TAB2: variants seen among roughly 807,000 people sequenced by gnomAD.
TAB2 encodes the protein TGF-beta-activated kinase 1 and MAP3K7-binding protein 2.
In TAB2, 3 loss-of-function variants were observed where a neutral mutation model predicts 65.0. That is an observed-to-expected ratio of 0.05 (90% confidence interval 0.02 to 0.12). TAB2 has a LOEUF of 0.12. Ranked by LOEUF, TAB2 falls within the 10% of genes least tolerant of loss-of-function variation. The pLI is 1.00. For missense variants in TAB2, 623 were observed against 840.3 expected, an observed-to-expected ratio of 0.74 and a Z score of 3.20; for synonymous variants, 298 against 285.1, an observed-to-expected ratio of 1.05 and a Z score of -0.46.
intron 3 of TAB2, among the ~76,000 whole-genome samples, chr6:149,381,591 T>TTG (rs1554263494): frequency 6.1e-4 from 78 of 127,104 alleles, no homozygotes; most frequent in East Asian, 3.6e-3. Context: ...TTTTTTTTTT[T>TTG]GGGACAGGGT....
At chr6:149,239,679 A>G (rs1237004300) in intron 1 of TAB2, among the ~76,000 whole-genome samples, 1 of 152,148 alleles carries the variant, frequency 6.6e-6, no homozygotes, top group Non-Finnish European at 1.5e-5. Flanking sequence ...ACAAGGGGTG[A>G]ATTATCTCCT....
chr6:149,256,252 AAC>A (rs1174525815), intron 1 of TAB2, among the ~76,000 whole-genome samples: 2 of 152,246 alleles, frequency 1.3e-5, no homozygotes, highest in Non-Finnish European at 2.9e-5. Context: ...TCAAAACAAT[AAC>A]ACAGTAATTC....
At chr6:149,388,664 G>A (rs1366764887) in intron 3 of TAB2, among the ~76,000 whole-genome samples, 2 of 151,938 alleles carry the variant, frequency 1.3e-5, no homozygotes, top group African/African-American at 4.8e-5. Context: ...CTTTTTCTTG[G>A]GAGCTTAATT....
chr6:149,285,864 A>T (rs999019952), intron 1 of TAB2, among the ~76,000 whole-genome samples: 1 of 152,132 alleles, frequency 6.6e-6, no homozygotes, highest in Non-Finnish European at 1.5e-5. Flanking sequence ...CTGATTCATG[A>T]GGTCATGGGG....
At chr6:149,239,588 G>A (rs1777560141) in intron 1 of TAB2, among the ~76,000 whole-genome samples, 1 of 152,200 alleles carries the variant, frequency 6.6e-6, no homozygotes, top group Admixed American at 6.5e-5. Context: ...TTAGGTACTG[G>A]CAAGAAAAAC....
intron 6 of TAB2, among the ~76,000 whole-genome samples, chr6:149,404,154 G>A (rs2789488): frequency 0.45 from 67,726 of 151,936 alleles, 15,602 homozygotes; most frequent in East Asian, 0.6. Flanking sequence ...ACAATGTACA[G>A]AAGTCAATTG....
chr6:149,363,700 G>C (rs772406605), intron 1 of TAB2, among the ~76,000 whole-genome samples: 8 of 151,944 alleles, frequency 5.3e-5, no homozygotes, highest in Non-Finnish European at 1.2e-4. Context: ...TTATATGGTA[G>C]GATTTTCTCA....
At chr6:149,233,325 C>T (rs1777439838) in intron 1 of TAB2, among the ~76,000 whole-genome samples, 2 of 152,126 alleles carry the variant, frequency 1.3e-5, no homozygotes, top group South Asian at 2.1e-4. Context: ...TCCACTGAGA[C>T]GCCTCTACTG....
chr6:149,358,333 C>G (rs1469174099), intron 1 of TAB2, among the ~76,000 whole-genome samples: 1 of 152,152 alleles, frequency 6.6e-6, no homozygotes, highest in African/African-American at 2.4e-5. Flanking sequence ...TTATTCTGCA[C>G]ATGAAGCAAG....
At chr6:149,310,254 T>A (rs560917) in intron 1 of TAB2, among the ~76,000 whole-genome samples, 68,498 of 151,890 alleles carry the variant, frequency 0.45, 16,056 homozygotes, top group African/African-American at 0.6. Context: ...GGAGGATCGC[T>A]TGAGCCTGGG....
chr6:149,375,028 T>C lies in TAB2; in HGVS notation c.103-2990T>C, dbSNP rs189046941. On this transcript the variant is annotated intron_variant, in intron 2 of 6. Coordinates refer to ENST00000637181, the MANE Select transcript of TAB2 (RefSeq NM_001292034.3). ...ACATTTTTATGCTTTAATTTAGTGCTATTTGAATATTAGGTGATGCTAAGA... is the reference window on the plus strand; with the variant it reads ...ACATTTTTATGCTTTAATTTAGTGCCATTTGAATATTAGGTGATGCTAAGA... Among the ~76,000 whole-genome samples the C allele has an allele frequency of 2.4e-3, 364 of 152,362 alleles. 2 individuals are homozygous for C. The highest frequency in any genetic ancestry group is 8.4e-3 in the African/African-American group (350 of 41,592).
intron 1 of TAB2, among the ~76,000 whole-genome samples, chr6:149,356,652 C>A (rs905912827): frequency 1.6e-4 from 24 of 152,154 alleles, no homozygotes; most frequent in African/African-American, 5.8e-4. Flanking sequence ...CAAACCTGAT[C>A]ACCTCCCAAT....
intron 1 of TAB2, among the ~76,000 whole-genome samples, chr6:149,293,123 A>T (rs181171558): frequency 1.8e-3 from 269 of 152,310 alleles, no homozygotes; most frequent in Middle Eastern, 6.8e-3. Context: ...CTTTGGTTAG[A>T]GGGGCCCAAT....
intron 1 of TAB2, chr6:149,245,046 C>T (rs1455773945): frequency 2.0e-5 from 3 of 152,220 alleles, no homozygotes. Context: ...AGTCAAGCAG[C>T]TACCTTGGGG....
intron 6 of TAB2, 38 bp from the exon 7 acceptor site, chr6:149,409,539 A>AT (rs1402964693): frequency 1.5e-5 from 24 of 1,594,986 alleles, no homozygotes; most frequent in East Asian, 1.3e-4. Context: ...AGACTTTGTG[A>AT]TTTTTTACTT....
intron 2 of TAB2, among the ~76,000 whole-genome samples, chr6:149,377,145 C>A (rs1781427999): frequency 6.6e-6 from 1 of 150,766 alleles, no homozygotes; most frequent in South Asian, 2.1e-4. Flanking sequence ...TCTCGGCTCA[C>A]TGCAAGCTCC....
chr6:149,367,651 T>C (rs185723217), intron 1 of TAB2, among the ~76,000 whole-genome samples: 1 of 152,234 alleles, frequency 6.6e-6, no homozygotes, highest in African/African-American at 2.4e-5. Context: ...GGGAGACCTA[T>C]TGAGGCCTTT....
chr6:149,316,627 G>C (rs976922711), upstream of TAB2, among the ~76,000 whole-genome samples: 4 of 124,210 alleles, frequency 3.2e-5, no homozygotes, highest in African/African-American at 6.0e-5. Flanking sequence ...TATTAAACAC[G>C]CTTTTTTTTT....
At chr6:149,384,106 A>G (rs1414580233) in intron 3 of TAB2, among the ~76,000 whole-genome samples, 1 of 152,190 alleles carries the variant, frequency 6.6e-6, no homozygotes. Context: ...GGTCTTCTGC[A>G]GTGAAATTGA....
Sources: allele counts gnomAD v4.1 joint callset (sites outside exome capture counted in the v4.1 genomes callset), GRCh38; gene constraint gnomAD v4.1.1; transcripts MANE v1.5; gene names NCBI Gene and HGNC (gene_info 2026-07-23, HGNC 2026-07-21).